CDK19: variants seen among roughly 807,000 people sequenced by gnomAD.
CDK19 encodes cyclin-dependent kinase 19.
A neutral mutation model predicts 68.3 loss-of-function variants in CDK19; 20 were observed. That is an observed-to-expected ratio of 0.29 (90% CI 0.21 to 0.43). The LOEUF (loss-of-function observed/expected upper bound fraction) is 0.43. Among genes scored for constraint, CDK19 ranks in the 20% least tolerant of loss-of-function variants. The pLI is 1.00. For missense variants in CDK19, 339 were observed against 623.5 expected (o/e 0.54, Z 4.86); for synonymous variants, 221 against 222.8 (o/e 0.99, Z 0.07).
intron 3 of CDK19, among the ~76,000 whole-genome samples, chr6:110,668,322 G>A (rs184031591): frequency 6.6e-6 from 1 of 152,308 alleles, no homozygotes; most frequent in African/African-American, 2.4e-5. Flanking sequence ...CAATACTGAT[G>A]AAATTGTCAA....
chr6:110,666,878 T>C (rs1781975611), intron 4 of CDK19, among the ~76,000 whole-genome samples: 1 of 152,172 alleles, frequency 6.6e-6, no homozygotes. Flanking sequence ...TATAATCTGA[T>C]ATCAGTAAAT....
chr6:110,645,873 G>A, intron 4 of CDK19: 1 of 710,392 alleles, frequency 1.4e-6, no homozygotes, highest in South Asian at 1.6e-5. Context: ...AGAGACTATC[G>A]TAGACGAAAA....
chr6:110,663,204 T>C (rs1288438740), intron 4 of CDK19, among the ~76,000 whole-genome samples: 11 of 152,196 alleles, frequency 7.2e-5, no homozygotes, highest in Non-Finnish European at 1.6e-4. Context: ...TATCAAATAG[T>C]GTCAAGCCAA....
At chr6:110,794,081 T>G (rs1781768019) in intron 1 of CDK19, among the ~76,000 whole-genome samples, 1 of 152,210 alleles carries the variant, frequency 6.6e-6, no homozygotes, top group Non-Finnish European at 1.5e-5. Context: ...AGTCTCGCTC[T>G]GTCACCCAGG....
chr6:110,746,342 T>C (rs1181829802), intron 1 of CDK19, 141 bp from the exon 2 acceptor site: 1 of 478,918 alleles, frequency 2.1e-6, no homozygotes, highest in African/African-American at 2.0e-5. Context: ...TTATTATTTT[T>C]GATAATATTT....
chr6:110,774,814 C>G (rs1780278241), intron 1 of CDK19, among the ~76,000 whole-genome samples: 1 of 152,004 alleles, frequency 6.6e-6, no homozygotes, highest in East Asian at 1.9e-4. Flanking sequence ...CTGGACATGG[C>G]AGTGCACACC....
At chr6:110,694,764 T>C (rs1202477612) in intron 2 of CDK19, among the ~76,000 whole-genome samples, 2 of 152,062 alleles carry the variant, frequency 1.3e-5, no homozygotes, top group African/African-American at 4.8e-5. Flanking sequence ...CAAAAAAGTG[T>C]CAGTAAATTT....
At chr6:110,678,744 C>T (rs1018148413) in intron 2 of CDK19, among the ~76,000 whole-genome samples, 5 of 152,156 alleles carry the variant, frequency 3.3e-5, no homozygotes, top group African/African-American at 9.7e-5. Context: ...AGGGGCACAT[C>T]CTTTCAGTTA....
At chr6:110,688,902 G>A (rs764443785) in intron 2 of CDK19, among the ~76,000 whole-genome samples, 1 of 152,192 alleles carries the variant, frequency 6.6e-6, no homozygotes, top group African/African-American at 2.4e-5. Flanking sequence ...AGAACTAGGC[G>A]ACGAGTGGGA....
chr6:110,810,408 A>G (rs898541112), intron 1 of CDK19, among the ~76,000 whole-genome samples: 3 of 152,232 alleles, frequency 2.0e-5, no homozygotes, highest in African/African-American at 7.2e-5. Flanking sequence ...GTGAGAGACC[A>G]ACCAGCTACT....
intron 8 of CDK19, among the ~76,000 whole-genome samples, chr6:110,623,669 G>A (rs184942736): frequency 6.6e-6 from 1 of 151,258 alleles, no homozygotes; most frequent in Admixed American, 6.6e-5. Flanking sequence ...GAGTCAAAGA[G>A]ATGATTTTGT....
rs1778144280 is a variant in CDK19, at chr6:110,613,742, T to C, written c.*793A>G. The C allele has an allele frequency of 6.6e-6, 1 of 152,644 alleles. No individual in the cohort carries two copies. The highest frequency in any genetic ancestry group is 2.1e-4 in the South Asian group (1 of 4,828). 9.5% of individuals were successfully genotyped at this position (152,644 alleles called of 1,614,324 possible). ...GACTGTACAAAGCTCTTGAAACCCT[T>C]TTTAAGGTAGACTTAGCTACATGAA... On this transcript the variant is annotated 3_prime_UTR_variant, in exon 13 of 13. Coordinates refer to ENST00000368911, the MANE Select transcript of CDK19 (RefSeq NM_015076.5).
chr6:110,682,323 T>C (rs906837841), intron 2 of CDK19, among the ~76,000 whole-genome samples: 6 of 152,206 alleles, frequency 3.9e-5, no homozygotes, highest in Non-Finnish European at 8.8e-5. Flanking sequence ...TAACACCTCT[T>C]TCCCCTTCCC....
intron 4 of CDK19, among the ~76,000 whole-genome samples, chr6:110,661,781 C>T (rs975266811): frequency 1.3e-5 from 2 of 152,004 alleles, no homozygotes; most frequent in Non-Finnish European, 2.9e-5. Flanking sequence ...CAATAAAAGC[C>T]AAAAGATTCC....
chr6:110,802,655 G>T (rs987388695), intron 1 of CDK19, among the ~76,000 whole-genome samples: 1 of 152,134 alleles, frequency 6.6e-6, no homozygotes, highest in African/African-American at 2.4e-5. Flanking sequence ...ACCTACCCAT[G>T]TAACAAACCT....
At chr6:110,707,172 C>T (rs1774582768) in intron 2 of CDK19, among the ~76,000 whole-genome samples, 1 of 151,834 alleles carries the variant, frequency 6.6e-6, no homozygotes, top group Non-Finnish European at 1.5e-5. Context: ...CCCATCTCTA[C>T]TAAAAATACA....
chr6:110,784,818 CAATAT>C (rs943312218), intron 1 of CDK19, among the ~76,000 whole-genome samples: 1 of 151,716 alleles, frequency 6.6e-6, no homozygotes. Context: ...ATACATGCTA[CAATAT>C]GAGTGAACTT....
At chr6:110,749,728 CA>C (rs1481145765) in intron 1 of CDK19, among the ~76,000 whole-genome samples, 1 of 151,242 alleles carries the variant, frequency 6.6e-6, no homozygotes, top group Non-Finnish European at 1.5e-5. Context: ...CACATCTGTG[CA>C]AAAAACAGAA....
chr6:110,623,404 T>C, intron 8 of CDK19, 42 bp from the exon 9 acceptor site: 1 of 1,590,546 alleles, frequency 6.3e-7, no homozygotes, highest in Non-Finnish European at 8.6e-7. Context: ...GGAACACTCA[T>C]CCAATTGATA....
Sources: gnomAD v4.1 joint callset for allele counts (sites outside exome capture counted in the v4.1 genomes callset) on GRCh38, gnomAD v4.1.1 for gene constraint, MANE v1.5 for transcripts, NCBI Gene and HGNC (gene_info 2026-07-23, HGNC 2026-07-21) for gene names.